The following IPMK variants were observed in gnomAD, a reference collection of about 807,000 sequenced individuals.
IPMK encodes the protein inositol polyphosphate multikinase, also known as inositol 1,3,4,6-tetrakisphosphate 5-kinase.
IPMK carries 17 observed loss-of-function variants against 45.8 expected under a neutral mutation model. That is an observed-to-expected ratio of 0.37 (90% CI 0.25 to 0.56). IPMK has a LOEUF of 0.56. Among genes scored for constraint, IPMK ranks in the 20% least tolerant of loss-of-function variants. The probability of loss-of-function intolerance (pLI) is 0.79; values close to 1 mark genes in which losing one functional copy is unlikely to be tolerated. For missense variants in IPMK, 399 were observed against 498.0 expected (o/e 0.80, Z 1.89); for synonymous variants, 180 against 184.3 (o/e 0.98, Z 0.19).
intron 1 of IPMK, among the ~76,000 whole-genome samples, chr10:58,246,974 C>A (rs1369518519): frequency 1.3e-5 from 2 of 149,862 alleles, no homozygotes; most frequent in African/African-American, 2.5e-5. Flanking sequence ...AACAAACAAC[C>A]CCATCAAAAA....
chr10:58,226,448 C>T (rs1341295465), intron 3 of IPMK, among the ~76,000 whole-genome samples: 1 of 152,208 alleles, frequency 6.6e-6, no homozygotes, highest in Non-Finnish European at 1.5e-5. Flanking sequence ...GCCCTTTCCC[C>T]TCAATTCACC....
chr10:58,266,639 A>T (rs573331768), intron 1 of IPMK, among the ~76,000 whole-genome samples: 1 of 152,356 alleles, frequency 6.6e-6, no homozygotes, highest in South Asian at 2.1e-4. Context: ...ATCATGGCCC[A>T]GGGAACCACT....
intron 1 of IPMK, among the ~76,000 whole-genome samples, chr10:58,244,863 C>T (rs918078805): frequency 1.3e-5 from 2 of 151,994 alleles, no homozygotes; most frequent in African/African-American, 4.8e-5. Flanking sequence ...TAAGAGTCAT[C>T]ACCACTCCCT....
At chr10:58,230,046 T>C (rs1057063618) in intron 2 of IPMK, among the ~76,000 whole-genome samples, 1 of 152,204 alleles carries the variant, frequency 6.6e-6, no homozygotes, top group Non-Finnish European at 1.5e-5. Context: ...CCACGGAGCC[T>C]TGCTCATTGC....
chr10:58,232,856 C>CA (rs1414848482), intron 2 of IPMK, among the ~76,000 whole-genome samples: 1 of 152,008 alleles, frequency 6.6e-6, no homozygotes, highest in Admixed American at 6.6e-5. Context: ...GGGACAGACA[C>CA]AAAAAACCCT....
chr10:58,225,097 C>T (rs1425363835), intron 3 of IPMK, among the ~76,000 whole-genome samples: 1 of 152,130 alleles, frequency 6.6e-6, no homozygotes, highest in Non-Finnish European at 1.5e-5. Context: ...TTATCATATA[C>T]ACTTTATTCC....
chr10:58,258,639 A>C (rs765809948), intron 1 of IPMK, among the ~76,000 whole-genome samples: 1 of 152,278 alleles, frequency 6.6e-6, no homozygotes, highest in Middle Eastern at 3.4e-3. Flanking sequence ...AAAATTCACA[A>C]TGGAAATTAG....
intron 1 of IPMK, among the ~76,000 whole-genome samples, chr10:58,265,855 T>C (rs1239169161): frequency 6.6e-6 from 1 of 152,220 alleles, no homozygotes; most frequent in African/African-American, 2.4e-5. Flanking sequence ...TAAGTGACAA[T>C]TATTTAGATT....
At position 58,233,903 on chromosome 10, in the gene IPMK, G is replaced by A. The variant is rs766643901; in HGVS notation, c.276+3826C>T. On this transcript the variant is annotated intron_variant, in intron 2 of 5. Coordinates refer to ENST00000373935, the MANE Select transcript of IPMK (RefSeq NM_152230.5). ...GTCCCTGTTTGTAGATGACATGATTGTATATTTAGAAAACCCCATCGTCTC... is the reference window on the plus strand; with the variant it reads ...GTCCCTGTTTGTAGATGACATGATTATATATTTAGAAAACCCCATCGTCTC... Among the ~76,000 whole-genome samples the A allele has an allele frequency of 2.2e-4, 34 of 152,248 alleles. 1 individual carries two copies. The highest frequency in any genetic ancestry group is 4.0e-4 in the Non-Finnish European group (27 of 68,022).
intron 3 of IPMK, among the ~76,000 whole-genome samples, chr10:58,223,811 C>T (rs547038028): frequency 1.3e-5 from 2 of 152,104 alleles, no homozygotes; most frequent in African/African-American, 4.8e-5. Flanking sequence ...GGAATTCTCA[C>T]GAGATCTGAT....
intron 4 of IPMK, among the ~76,000 whole-genome samples, chr10:58,199,754 T>C (rs563914172): frequency 1.3e-5 from 2 of 152,230 alleles, no homozygotes; most frequent in South Asian, 4.1e-4. Flanking sequence ...GTATAATAAT[T>C]TGGAAAGGTG....
At chr10:58,207,060 T>C (rs1444803568) in intron 4 of IPMK, among the ~76,000 whole-genome samples, 1 of 152,190 alleles carries the variant, frequency 6.6e-6, no homozygotes, top group East Asian at 1.9e-4. Flanking sequence ...TGGAGCGCAA[T>C]GGCACGATCT....
At chr10:58,216,026 ACAACT>A in intron 4 of IPMK, 114 bp downstream of exon 4, 1 of 734,188 alleles carries the variant, frequency 1.4e-6, no homozygotes, top group Non-Finnish European at 2.0e-6. Flanking sequence ...GGAGTTACAG[ACAACT>A]CAATTCCAAA....
intron 1 of IPMK, among the ~76,000 whole-genome samples, chr10:58,241,928 A>G (rs1838701238): frequency 6.6e-6 from 1 of 151,810 alleles, no homozygotes; most frequent in Non-Finnish European, 1.5e-5. Flanking sequence ...ACTTACATTT[A>G]TCTCAACTCC....
At position 58,252,607 on chromosome 10, in the gene IPMK, TTTTC is replaced by T. The variant is rs1185546849; in HGVS notation, c.191-14797_191-14794del. 1.6e-4 allele frequency among the ~76,000 whole-genome samples: 22 copies of T among 139,012 alleles called. No homozygotes were observed. In the South Asian group the frequency reaches 4.8e-3, roughly 30 times the overall value. The allele number at this position is 139,012 out of a possible 152,430, so 91.2% of individuals were successfully genotyped here. On this transcript the variant is annotated intron_variant, in intron 1 of 5. Coordinates refer to ENST00000373935, the MANE Select transcript of IPMK (RefSeq NM_152230.5). ...GTTCTACTTTTATCCAAGAGTTTTC[TTTTC>T]TTTTTTTTTTTTTTTTTTTGAGATG...
At chr10:58,255,432 G>A (rs1838950694) in intron 1 of IPMK, among the ~76,000 whole-genome samples, 1 of 152,158 alleles carries the variant, frequency 6.6e-6, no homozygotes, top group African/African-American at 2.4e-5. Flanking sequence ...GGGGGAGGGG[G>A]TGACACAGTC....
chr10:58,265,343 T>A (rs930905975), intron 1 of IPMK, among the ~76,000 whole-genome samples: 1 of 152,144 alleles, frequency 6.6e-6, no homozygotes, highest in Non-Finnish European at 1.5e-5. Context: ...AATACCAACA[T>A]AACGTCCTTA....
chr10:58,211,207 T>C (rs919670155), intron 4 of IPMK, among the ~76,000 whole-genome samples: 1 of 151,328 alleles, frequency 6.6e-6, no homozygotes, highest in Non-Finnish European at 1.5e-5. Context: ...TTTTTTTTTT[T>C]ATGAGACAGA....
chr10:58,230,142 GA>G (rs1178770289), intron 2 of IPMK, among the ~76,000 whole-genome samples: 1 of 152,220 alleles, frequency 6.6e-6, no homozygotes, highest in Non-Finnish European at 1.5e-5. Context: ...GGTAAACAAA[GA>G]AGCTGGGAAG....
Sources: gnomAD v4.1 joint callset for allele counts (sites outside exome capture counted in the v4.1 genomes callset) on GRCh38, gnomAD v4.1.1 for gene constraint, MANE v1.5 for transcripts, NCBI Gene and HGNC (gene_info 2026-07-23, HGNC 2026-07-21) for gene names.